The following SLC9A9 variants were observed in gnomAD, a reference collection of about 807,000 sequenced individuals.
SLC9A9 encodes the protein sodium/hydrogen exchanger 9.
SLC9A9 carries 62 observed loss-of-function variants against 77.8 expected under a neutral mutation model. The ratio of observed to expected loss-of-function variants is 0.80; its 90% CI spans 0.65 to 0.98. SLC9A9 has a LOEUF of 0.98. SLC9A9 is among the 50% of genes least tolerant of loss of function. The probability of loss-of-function intolerance (pLI) is 0.00; values close to 1 mark genes in which losing one functional copy is unlikely to be tolerated. For missense variants in SLC9A9, 775 were observed against 774.9 expected, an observed-to-expected ratio of 1.00 and a Z score of 0.00; for synonymous variants, 320 against 283.5, an observed-to-expected ratio of 1.13 and a Z score of -1.29.
intron 12 of SLC9A9, among the ~76,000 whole-genome samples, chr3:143,409,415 C>T (rs905594859): frequency 1.3e-5 from 2 of 152,174 alleles, no homozygotes; most frequent in African/African-American, 4.8e-5. Context: ...TGAATGATGG[C>T]TTAGCTGCTC....
chr3:143,487,935 AT>A (rs2108586286), intron 11 of SLC9A9, among the ~76,000 whole-genome samples: 1 of 151,924 alleles, frequency 6.6e-6, no homozygotes, highest in Non-Finnish European at 1.5e-5. Flanking sequence ...AATAGAAAAA[AT>A]AAATGAAACA....
intron 6 of SLC9A9, among the ~76,000 whole-genome samples, chr3:143,585,540 C>T (rs532303466): frequency 1.7e-4 from 26 of 152,310 alleles, no homozygotes; most frequent in African/African-American, 5.8e-4. Context: ...GCAAGCTATA[C>T]CCTGACCACT....
chr3:143,778,205 C>T (rs991660794), intron 4 of SLC9A9, among the ~76,000 whole-genome samples: 6 of 151,918 alleles, frequency 3.9e-5, no homozygotes, highest in Non-Finnish European at 7.4e-5. Flanking sequence ...CTGGGAGCAC[C>T]GAGCTCACAG....
Position 143,735,371 on chromosome 3 carries a change from C to T in SLC9A9, c.534-42064G>A, listed in dbSNP as rs116215442. 3.3e-3 allele frequency among the ~76,000 whole-genome samples: 502 copies of T among 152,224 alleles called. 5 individuals carry two copies. Among genetic ancestry groups the T allele is most frequent in the African/African-American group, 0.011 (471 of 41,542 alleles). On this transcript the variant is annotated intron_variant, in intron 4 of 15. Transcript: ENST00000316549. ...CAATAAGTAATATTTTGTTCAACCC[C>T]AGAATCCTAGATTTAAAAAGCTGTA...
chr3:143,685,010 A>AAATTACAT (rs1326440674), intron 5 of SLC9A9, among the ~76,000 whole-genome samples: 1 of 152,096 alleles, frequency 6.6e-6, no homozygotes, highest in East Asian at 1.9e-4. Context: ...ATTTCTATTA[A>AAATTACAT]GGGTCATGGT....
chr3:143,793,392 C>T (rs2008278242), intron 4 of SLC9A9, among the ~76,000 whole-genome samples: 1 of 151,914 alleles, frequency 6.6e-6, no homozygotes, highest in South Asian at 2.1e-4. Context: ...CCAGTTGTAC[C>T]AAAGAAATGA....
rs73009471 is a variant in SLC9A9 at position 143,738,837 on chromosome 3, G to T, written c.534-45530C>A. Among the ~76,000 whole-genome samples, 6 of 152,244 alleles carry T rather than the reference G, an allele frequency of 3.9e-5. No individual in the cohort carries two copies. The East Asian group carries it at 1.2e-3, about 29-fold the overall frequency. On this transcript the variant is annotated intron_variant, in intron 4 of 15. Transcript: ENST00000316549. ...GTTTATTATAAAAGATGCAGCTCAG[G>T]ACCAGCCAAATGAAAGAGATGCACA...
chr3:143,363,832 A>T (rs529819755), intron 13 of SLC9A9, among the ~76,000 whole-genome samples: 1 of 152,278 alleles, frequency 6.6e-6, no homozygotes, highest in South Asian at 2.1e-4. Context: ...TTTGACATCA[A>T]TAAAAATGAC....
At chr3:143,819,654 A>G (rs1196154394) in intron 2 of SLC9A9, among the ~76,000 whole-genome samples, 1 of 152,112 alleles carries the variant, frequency 6.6e-6, no homozygotes, top group African/African-American at 2.4e-5. Context: ...AAGAAAATAC[A>G]CTGTCATTAT....
chr3:143,773,161 G>C (rs2007580743), intron 4 of SLC9A9, among the ~76,000 whole-genome samples: 1 of 152,112 alleles, frequency 6.6e-6, no homozygotes, highest in African/African-American at 2.4e-5. Flanking sequence ...GTGTTGTGGT[G>C]CTAAACGTTT....
intron 4 of SLC9A9, among the ~76,000 whole-genome samples, chr3:143,757,512 A>T (rs1040233692): frequency 6.6e-5 from 10 of 152,156 alleles, no homozygotes; most frequent in African/African-American, 2.4e-4. Flanking sequence ...AACTATTGGC[A>T]TTTGGAGTAC....
At chr3:143,647,803 C>T (rs1008056283) in intron 6 of SLC9A9, among the ~76,000 whole-genome samples, 1 of 152,014 alleles carries the variant, frequency 6.6e-6, no homozygotes, top group East Asian at 1.9e-4. Flanking sequence ...TTGTGAGCAC[C>T]TTTATAACTT....
chr3:143,384,669 G>A (rs2033379589), intron 12 of SLC9A9, among the ~76,000 whole-genome samples: 2 of 152,124 alleles, frequency 1.3e-5, no homozygotes, highest in South Asian at 2.1e-4. Flanking sequence ...GGGACTCAGT[G>A]GAAGGCATCT....
intron 14 of SLC9A9, among the ~76,000 whole-genome samples, chr3:143,356,907 T>A (rs1178005517): frequency 2.6e-5 from 4 of 152,176 alleles, no homozygotes; most frequent in Non-Finnish European, 5.9e-5. Context: ...AGGATATGGA[T>A]GACCAAAAGC....
chr3:143,418,901 T>G (rs2034248162), intron 12 of SLC9A9, among the ~76,000 whole-genome samples: 1 of 152,186 alleles, frequency 6.6e-6, no homozygotes, highest in Non-Finnish European at 1.5e-5. Flanking sequence ...GTGCCCACTG[T>G]GTACTGAAGT....
intron 5 of SLC9A9, among the ~76,000 whole-genome samples, chr3:143,683,289 T>A (rs1339442802): frequency 6.6e-6 from 1 of 152,062 alleles, no homozygotes; most frequent in African/African-American, 2.4e-5. Context: ...GGAATTCGAA[T>A]CTAAGTAATC....
chr3:143,474,861 C>T (rs1175911436), intron 11 of SLC9A9, among the ~76,000 whole-genome samples: 1 of 152,112 alleles, frequency 6.6e-6, no homozygotes, highest in African/African-American at 2.4e-5. Context: ...TTCCCACCTG[C>T]AGTGCTCCCC....
At chr3:143,635,339 G>A (rs1429667766) in intron 6 of SLC9A9, among the ~76,000 whole-genome samples, 2 of 152,184 alleles carry the variant, frequency 1.3e-5, no homozygotes, top group African/African-American at 4.8e-5. Flanking sequence ...AACTGGGACA[G>A]CATCCCTTCT....
At chr3:143,433,776 G>A in intron 12 of SLC9A9, among the ~76,000 whole-genome samples, 1 of 152,222 alleles carries the variant, frequency 6.6e-6, no homozygotes, top group East Asian at 1.9e-4. Flanking sequence ...GACAGCAGCA[G>A]AATCTTTCAG....
Sources: gnomAD v4.1 joint callset for allele counts (sites outside exome capture counted in the v4.1 genomes callset) on GRCh38, gnomAD v4.1.1 for gene constraint, MANE v1.5 for transcripts, NCBI Gene and HGNC (gene_info 2026-07-23, HGNC 2026-07-21) for gene names.